Variants in DNAH7 observed in about 807,000 individuals in gnomAD.
The protein encoded by DNAH7 is dynein axonemal heavy chain 7, also known as axonemal beta dynein heavy chain 7.
In DNAH7, 397 loss-of-function variants were observed where a neutral mutation model predicts 444.6. The observed-to-expected ratio is 0.89, with a 90% CI of 0.82 to 0.97. The LOEUF is 0.97. Ranked by LOEUF, DNAH7 falls within the 50% of genes least tolerant of loss-of-function variation. The probability of loss-of-function intolerance (pLI) is 0.00; values close to 1 mark genes in which losing one functional copy is unlikely to be tolerated. For missense variants in DNAH7, 4,902 were observed against 4,800.8 expected, an observed-to-expected ratio of 1.02 and a Z score of -0.62; for synonymous variants, 1,636 against 1,624.4, an observed-to-expected ratio of 1.01 and a Z score of -0.17.
intron 63 of DNAH7, among the ~76,000 whole-genome samples, chr2:195,744,473 C>T (rs1174548218): frequency 6.6e-6 from 1 of 152,192 alleles, no homozygotes; most frequent in Non-Finnish European, 1.5e-5. Context: ...ACTTAAATGT[C>T]CCTGTCTGAC....
intron 1 of DNAH7, among the ~76,000 whole-genome samples, chr2:196,062,024 C>T (rs567941526): frequency 6.6e-6 from 1 of 152,282 alleles, no homozygotes; most frequent in East Asian, 1.9e-4. Flanking sequence ...GTAACCTTCT[C>T]TTCCACTTCA....
At chr2:195,987,236 A>G (rs1017496885) in intron 13 of DNAH7, 43 bp from the exon 14 acceptor site, 1 of 1,428,858 alleles carries the variant, frequency 7.0e-7, no homozygotes, top group African/African-American at 1.4e-5. Context: ...AAGAAATAAA[A>G]CAAATAAATT....
chr2:195,987,736 C>A (rs571664939), intron 13 of DNAH7, among the ~76,000 whole-genome samples: 1 of 152,080 alleles, frequency 6.6e-6, no homozygotes, highest in Non-Finnish European at 1.5e-5. Flanking sequence ...GTCAGAGTTG[C>A]GGTAGTAGAG....
intron 21 of DNAH7, among the ~76,000 whole-genome samples, chr2:195,932,230 T>G (rs553056654): frequency 4.6e-5 from 7 of 152,338 alleles, no homozygotes; most frequent in African/African-American, 1.7e-4. Flanking sequence ...TGTCTGTTGT[T>G]GGTGTATAAG....
chr2:196,021,087 T>C (rs1239663041), intron 8 of DNAH7, among the ~76,000 whole-genome samples: 2 of 152,188 alleles, frequency 1.3e-5, no homozygotes, highest in African/African-American at 2.4e-5. Context: ...ATGTAATAAA[T>C]TGAAATACAT....
At chr2:195,897,526 C>T in intron 29 of DNAH7, 141 bp downstream of exon 29, 2 of 430,902 alleles carry the variant, frequency 4.6e-6, no homozygotes, top group East Asian at 3.6e-5. Flanking sequence ...TAGCTAAACA[C>T]ACTTCAAATA....
At chr2:195,820,320 A>C (rs1697400624) in intron 49 of DNAH7, among the ~76,000 whole-genome samples, 1 of 151,974 alleles carries the variant, frequency 6.6e-6, no homozygotes, top group Non-Finnish European at 1.5e-5. Flanking sequence ...GGGGAGGGAG[A>C]GCATTAGGAC....
chr2:195,935,798 T>C (rs548126736), intron 20 of DNAH7, among the ~76,000 whole-genome samples: 1 of 152,002 alleles, frequency 6.6e-6, no homozygotes, highest in South Asian at 2.1e-4. Context: ...CTAAGACTTA[T>C]AGGAGGTAAA....
chr2:195,833,928 T>C (rs997517520), intron 48 of DNAH7, among the ~76,000 whole-genome samples: 1 of 152,124 alleles, frequency 6.6e-6, no homozygotes, highest in Non-Finnish European at 1.5e-5. Context: ...CTAATGTCTG[T>C]ATTTTTAGTA....
intron 17 of DNAH7, among the ~76,000 whole-genome samples, chr2:195,965,228 T>C (rs919566084): frequency 1.3e-5 from 2 of 152,202 alleles, no homozygotes; most frequent in Non-Finnish European, 2.9e-5. Context: ...GAAATGATCA[T>C]ATTATTTTTG....
chr2:195,799,535 T>G, intron 54 of DNAH7, 63 bp from the exon 55 acceptor site: 2 of 1,398,248 alleles, frequency 1.4e-6, no homozygotes, highest in South Asian at 1.9e-5. Flanking sequence ...CATTAAAAAT[T>G]TAGATTCAAA....
chr2:195,888,294 G>T lies in DNAH7; in HGVS notation c.5370C>A (p.Val1790=), dbSNP rs749492641. The T allele has an allele frequency of 1.9e-6, 3 of 1,610,368 alleles. No homozygotes were observed. The highest frequency in any genetic ancestry group is 2.5e-6 in the Non-Finnish European group (3 of 1,178,686). ...TTCTAATAAATTCAACCGAAACAGG[G>T]ACCATTCTGTCAAATAAGCCCATTA... ...EFIMGLFDRM[V]PVSVEFIRKH... is the part of the protein sequence containing the mutation. Residue 1790 remains valine, a synonymous_variant, in exon 33 of 65, where the codon GTC becomes GTA. Transcript: ENST00000312428.
intron 21 of DNAH7, among the ~76,000 whole-genome samples, chr2:195,932,692 G>A (rs1015531875): frequency 7.9e-5 from 12 of 151,968 alleles, no homozygotes; most frequent in East Asian, 1.9e-4. Flanking sequence ...GGTTTTTGTC[G>A]TTGGTTCTGT....
At chr2:195,861,126 G>A (rs1163010054) in intron 42 of DNAH7, among the ~76,000 whole-genome samples, 1 of 151,996 alleles carries the variant, frequency 6.6e-6, no homozygotes, top group Non-Finnish European at 1.5e-5. Context: ...CCACTAAAAT[G>A]TTCCAAACTT....
chr2:196,044,407 TA>T (rs1696971707), intron 5 of DNAH7, among the ~76,000 whole-genome samples: 1 of 149,466 alleles, frequency 6.7e-6, no homozygotes, highest in Non-Finnish European at 1.5e-5. Context: ...CACAAAGGCA[TA>T]AGAATGATAT....
At chr2:195,849,829 C>T (rs1699239789) in intron 46 of DNAH7, among the ~76,000 whole-genome samples, 1 of 152,132 alleles carries the variant, frequency 6.6e-6, no homozygotes, top group South Asian at 2.1e-4. Context: ...TCTCAAACTC[C>T]TGAGCTCAAG....
intron 47 of DNAH7, among the ~76,000 whole-genome samples, chr2:195,843,569 G>C (rs930848409): frequency 5.3e-5 from 8 of 152,124 alleles, no homozygotes; most frequent in African/African-American, 1.9e-4. Flanking sequence ...TTAATTCAGG[G>C]CCCAGCTATA....
At position 195,778,733 on chromosome 2, in the gene DNAH7, C is replaced by CATAT. The variant is rs34943791; in HGVS notation, c.10879-752_10879-749dup. Among the ~76,000 whole-genome samples the CATAT allele has an allele frequency of 1.0e-3, 122 of 117,186 alleles. 1 individual carries two copies. Among genetic ancestry groups the CATAT allele is most frequent in the East Asian group, 5.8e-3 (21 of 3,602 alleles). The allele number at this position is 117,186 out of a possible 152,430, so 76.9% of individuals were successfully genotyped here. A position where few individuals can be genotyped will look rare whatever the true frequency, so the allele number is the denominator to read the frequency against. ...ATATATATACACATATATATATACA[C>CATAT]ATATATATATATAATAAAACTCAGA... On this transcript the variant is annotated intron_variant, in intron 58 of 64. Coordinates refer to ENST00000312428, the MANE Select transcript of DNAH7 (RefSeq NM_018897.3).
At position 195,816,764 on chromosome 2, in the gene DNAH7, G is replaced by A. The variant is rs1697239032; in HGVS notation, c.9625C>T (p.His3209Tyr). Residue 3209 changes from histidine to tyrosine, a missense_variant, in exon 51 of 65, where the codon CAT (histidine) becomes TAT (tyrosine). Physicochemically the swap from His to Tyr is moderately conservative, Grantham distance 83. Transcript: ENST00000312428. ...AGAGAAAAAAATAGGATGGAAGAAT[G>A]GATGGCAATAGGACGATAGCCCATG... ...TRMGYRPIAI[H>Y]SSILFFSLAD... The A allele has an allele frequency of 1.2e-6, 2 of 1,614,034 alleles. No homozygotes were observed. The highest frequency in any genetic ancestry group is 8.5e-7 in the Non-Finnish European group (1 of 1,180,018).
Sources: allele counts gnomAD v4.1 joint callset (sites outside exome capture counted in the v4.1 genomes callset), GRCh38; gene constraint gnomAD v4.1.1; transcripts MANE v1.5; gene names NCBI Gene and HGNC (gene_info 2026-07-23, HGNC 2026-07-21).